Variants in GRIN2B observed in about 807,000 individuals in gnomAD.
GRIN2B encodes the protein glutamate receptor ionotropic, NMDA 2B.
A neutral mutation model predicts 114.5 loss-of-function variants in GRIN2B; 5 were observed. The observed-to-expected ratio is 0.04, with a 90% CI of 0.02 to 0.09. GRIN2B has a LOEUF of 0.09. GRIN2B is among the 10% of genes least tolerant of loss of function. The pLI, the probability that GRIN2B is intolerant of heterozygous loss-of-function variation, is 1.00. For missense variants in GRIN2B, 1,108 were observed against 1,943.5 expected, an observed-to-expected ratio of 0.57 and a Z score of 8.08; for synonymous variants, 787 against 745.1, an observed-to-expected ratio of 1.06 and a Z score of -0.92.
chr12:13,769,764 T>C (rs1372474005), intron 3 of GRIN2B, among the ~76,000 whole-genome samples: 1 of 152,120 alleles, frequency 6.6e-6, no homozygotes, highest in Non-Finnish European at 1.5e-5. Flanking sequence ...AAATAATAAA[T>C]AAGCAGGTAG....
At chr12:13,584,425 A>G (rs1948891071) in intron 10 of GRIN2B, among the ~76,000 whole-genome samples, 1 of 152,206 alleles carries the variant, frequency 6.6e-6, no homozygotes, top group Admixed American at 6.5e-5. Context: ...TGAATGAATG[A>G]GTGATTTAAA....
At chr12:13,676,487 T>G (rs925160007) in intron 4 of GRIN2B, among the ~76,000 whole-genome samples, 10 of 152,152 alleles carry the variant, frequency 6.6e-5, no homozygotes, top group African/African-American at 2.4e-4. Context: ...ACCTACTTCA[T>G]TAGGTTTGTA....
chr12:13,825,466 T>A (rs2160731), intron 3 of GRIN2B, among the ~76,000 whole-genome samples: 141,284 of 144,386 alleles, frequency 0.98, 69,195 homozygotes, highest in Middle Eastern at 1. Flanking sequence ...TATATATATA[T>A]AATATATATA....
intron 4 of GRIN2B, among the ~76,000 whole-genome samples, chr12:13,693,924 C>G (rs558623748): frequency 6.6e-5 from 10 of 152,216 alleles, no homozygotes; most frequent in African/African-American, 2.4e-4. Context: ...TGGTCACCAA[C>G]TACTACCATC....
intron 2 of GRIN2B, among the ~76,000 whole-genome samples, chr12:13,957,924 A>G (rs1233100342): frequency 1.3e-5 from 2 of 152,230 alleles, no homozygotes; most frequent in Non-Finnish European, 2.9e-5. Context: ...TGGAGCTGAC[A>G]TGTCCAAGGA....
intron 2 of GRIN2B, among the ~76,000 whole-genome samples, chr12:13,913,039 GC>G (rs1473809590): frequency 6.6e-6 from 1 of 151,994 alleles, no homozygotes; most frequent in African/African-American, 2.4e-5. Flanking sequence ...CCCCAAGCAT[GC>G]CCCCCAGCCT....
At chr12:13,863,906 G>A (rs969119562) in intron 3 of GRIN2B, among the ~76,000 whole-genome samples, 4 of 152,062 alleles carry the variant, frequency 2.6e-5, no homozygotes, top group Non-Finnish European at 4.4e-5. Context: ...TTTAAAATTC[G>A]CTCTTAACCA....
intron 4 of GRIN2B, among the ~76,000 whole-genome samples, chr12:13,680,421 G>T (rs1011809602): frequency 7.5e-5 from 11 of 146,578 alleles, no homozygotes; most frequent in Admixed American, 6.9e-4. Flanking sequence ...AAATCCCCTG[G>T]AAGTCCCATC....
intron 2 of GRIN2B, among the ~76,000 whole-genome samples, chr12:13,958,228 T>C (rs1867626690): frequency 1.3e-5 from 2 of 152,184 alleles, no homozygotes; most frequent in African/African-American, 2.4e-5. Context: ...CAACACAATC[T>C]GTAAAAATAA....
intron 3 of GRIN2B, among the ~76,000 whole-genome samples, chr12:13,864,546 G>A (rs752891313): frequency 9.2e-5 from 14 of 152,188 alleles, no homozygotes; most frequent in East Asian, 3.8e-4. Context: ...ATTCTAAGAC[G>A]TGAATGGCTG....
At chr12:13,692,765 T>TC (rs1950225834) in intron 4 of GRIN2B, among the ~76,000 whole-genome samples, 1 of 62,160 alleles carries the variant, frequency 1.6e-5, no homozygotes, top group Admixed American at 1.8e-4. Flanking sequence ...CTTTTCTTTT[T>TC]TTTTTTTTTT....
intron 8 of GRIN2B, among the ~76,000 whole-genome samples, chr12:13,613,127 G>C (rs181377079): frequency 1.3e-5 from 2 of 152,138 alleles, no homozygotes; most frequent in African/African-American, 4.8e-5. Flanking sequence ...AGATGCGAGC[G>C]TAAGAGGTAC....
chr12:13,790,225 C>T (rs934211010), intron 3 of GRIN2B, among the ~76,000 whole-genome samples: 8 of 152,152 alleles, frequency 5.3e-5, no homozygotes, highest in Non-Finnish European at 1.2e-4. Flanking sequence ...ACCTTGGTCC[C>T]TCTTTCAATA....
At chr12:13,683,341 C>T (rs1051720901) in intron 4 of GRIN2B, among the ~76,000 whole-genome samples, 6 of 151,884 alleles carry the variant, frequency 4.0e-5, no homozygotes, top group African/African-American at 1.5e-4. Flanking sequence ...GGCAGTGTAG[C>T]GAGGTGTTTA....
chr12:13,834,017 CTTCT>C (rs1297633254), intron 3 of GRIN2B, among the ~76,000 whole-genome samples: 180 of 117,478 alleles, frequency 1.5e-3, no homozygotes, highest in African/African-American at 5.2e-3. Context: ...TCTTTGCTAA[CTTCT>C]TTTTTTTTTT....
chr12:13,732,977 G>C (rs1042519937), intron 4 of GRIN2B, among the ~76,000 whole-genome samples: 6 of 152,114 alleles, frequency 3.9e-5, no homozygotes, highest in African/African-American at 1.4e-4. Flanking sequence ...CTGCCAACGT[G>C]GAGCTAACAG....
intron 5 of GRIN2B, among the ~76,000 whole-genome samples, chr12:13,643,178 T>C (rs1362809187): frequency 6.6e-6 from 1 of 152,132 alleles, no homozygotes; most frequent in Non-Finnish European, 1.5e-5. Context: ...TGAATCTGAG[T>C]CTGGAAAAGA....
chr12:13,850,936 A>AT (rs1391767039), intron 3 of GRIN2B, among the ~76,000 whole-genome samples: 7 of 152,120 alleles, frequency 4.6e-5, no homozygotes, highest in African/African-American at 1.7e-4. Flanking sequence ...TACTGTCTAA[A>AT]TCCTAGGTCT....
intron 2 of GRIN2B, among the ~76,000 whole-genome samples, chr12:13,889,137 G>T (rs551700151): frequency 3.3e-5 from 5 of 150,998 alleles, no homozygotes; most frequent in African/African-American, 1.2e-4. Context: ...TAGATTTTTT[G>T]TCAATAACTG....
Sources: gnomAD v4.1 joint callset for allele counts (sites outside exome capture counted in the v4.1 genomes callset) on GRCh38, gnomAD v4.1.1 for gene constraint, MANE v1.5 for transcripts, NCBI Gene and HGNC (gene_info 2026-07-23, HGNC 2026-07-21) for gene names.